The following EME2 variants were observed in gnomAD, a reference collection of about 807,000 sequenced individuals.
EME2 encodes the protein structure-specific endonuclease subunit EME2.
EME2 carries 58 observed loss-of-function variants against 41.9 expected under a neutral mutation model. The ratio of observed to expected loss-of-function variants is 1.38; its 90% CI spans 1.12 to 1.72. The LOEUF (loss-of-function observed/expected upper bound fraction) is 1.72, where lower values mean the gene tolerates loss of function less well. EME2 is among the 40% of genes most tolerant of loss of function. The probability of loss-of-function intolerance (pLI) is 0.00; values close to 1 mark genes in which losing one functional copy is unlikely to be tolerated. For missense variants in EME2, 695 were observed against 541.9 expected (o/e 1.28, Z -2.81); for synonymous variants, 334 against 239.3 (o/e 1.40, Z -3.65).
chr16:1,773,272 C>T lies in EME2; in HGVS notation c.45C>T (p.Gly15=). 1.4e-6 allele frequency: 2 copies of T among 1,465,462 alleles called. No homozygotes were observed. Among genetic ancestry groups the T allele is most frequent in the South Asian group, 1.4e-5 (1 of 73,516 alleles). The allele number at this position is 1,465,462 out of a possible 1,614,324, so 90.8% of individuals were successfully genotyped here. A position where few individuals can be genotyped will look rare whatever the true frequency, so the allele number is the denominator to read the frequency against. The change falls in exon 1 of 8, where the codon GGC becomes GGT. Residue 15 remains glycine, a synonymous_variant. Transcript: ENST00000568449. The stretch of plus-strand genomic sequence containing the variant: ...GGAGGGCGGGGGTCTCTTGCCAGGG[C>T]CGGGGCCGGGGACGGGGCGGGAGCG... ...GPGRAGVSCQ[G]RGRGRGGSGQ...
rs755542062 is a variant in EME2 at position 1,773,818 on chromosome 16, A to G, written c.361A>G (p.Ser121Gly). 1.2e-5 allele frequency: 19 copies of G among 1,554,952 alleles called. No homozygotes were observed. The highest frequency in any genetic ancestry group is 1.6e-5 in the Non-Finnish European group (19 of 1,152,646). Residue 121 changes from serine (S) to glycine (G), a missense_variant, in exon 2 of 8, where the codon AGT (serine) becomes GGT (glycine). Transcript: ENST00000568449. ...CCGCAGCCTGCGGTGGACCCGAGCG[A>G]GTCCCGACCCCTGCCCCCGCAGCGT... ...PARSLRWTRA[S>G]PDPCPRSLPP...
Position 1,778,646 on chromosome 16 carries a change from G to A in EME2, c.*2408G>A, listed in dbSNP as rs377525964. 36 of 1,522,200 alleles carry A rather than the reference G, an allele frequency of 2.4e-5. No homozygotes were observed. In the African/African-American group the frequency reaches 4.8e-4, roughly 20 times the overall value. 94.3% of individuals were successfully genotyped at this position (1,522,200 alleles called of 1,614,324 possible). ...GAAGGGCCGGCTGTTACTACCTGTT[G>A]CCCGCTCTCTACCCTCTCACCCTTG... On this transcript the variant is annotated 3_prime_UTR_variant, in exon 8 of 8. Transcript: ENST00000568449.
At position 1,781,660 on chromosome 16, in the gene EME2, C is replaced by A; in HGVS notation, c.*5422C>A. 1 of 664,598 alleles carries A rather than the reference C, an allele frequency of 1.5e-6. No homozygotes were observed. Among genetic ancestry groups the A allele is most frequent in the Non-Finnish European group, 2.5e-6 (1 of 392,412 alleles). The allele number at this position is 664,598 out of a possible 1,614,324, so 41.2% of individuals were successfully genotyped here. A position where few individuals can be genotyped will look rare whatever the true frequency, so the allele number is the denominator to read the frequency against. ...AGGAGCCCGTACCTCACTCCAGGAT[C>A]TGAGCAGCTCAATAAAACCCAGGTA... is the stretch of plus-strand genomic sequence containing the variant. On this transcript the variant is annotated 3_prime_UTR_variant, in exon 8 of 8. Coordinates refer to ENST00000568449, the MANE Select transcript of EME2 (RefSeq NM_001257370.2).
chr16:1,772,885 G>C lies in EME2; in HGVS notation c.-343G>C, dbSNP rs528871514. On this transcript the variant is annotated 5_prime_UTR_variant, in exon 1 of 8. Transcript: ENST00000568449. ...CACAGCCAGGACTTGCGCGTGACCA[G>C]GCGGCCCAGGCCGAAGAGCGGGAGG... 2.1e-6 allele frequency: 3 copies of C among 1,452,834 alleles called. No homozygotes were observed. Among genetic ancestry groups the C allele is most frequent in the South Asian group, 2.8e-5 (2 of 71,632 alleles). 90.0% of individuals were successfully genotyped at this position (1,452,834 alleles called of 1,614,324 possible). A position where few individuals can be genotyped will look rare whatever the true frequency, so the allele number is the denominator to read the frequency against.
chr16:1,781,598 G>C lies in EME2; in HGVS notation c.*5360G>C. On this transcript the variant is annotated 3_prime_UTR_variant, in exon 8 of 8. Transcript: ENST00000568449. The stretch of plus-strand genomic sequence containing the variant: ...CCCACTCAAAGTGGGGACTGCAGGG[G>C]CCGCACCGGTGCCCAGCCAGGGCTC... 1 of 1,286,864 alleles carries C rather than the reference G, an allele frequency of 7.8e-7. No individual in the cohort carries two copies. Among genetic ancestry groups the C allele is most frequent in the Non-Finnish European group, 1.1e-6 (1 of 940,186 alleles). 79.7% of individuals were successfully genotyped at this position (1,286,864 alleles called of 1,614,324 possible). A position where few individuals can be genotyped will look rare whatever the true frequency, so the allele number is the denominator to read the frequency against.
Position 1,778,193 on chromosome 16 carries a change from C to G in EME2, c.*1955C>G, listed in dbSNP as rs1472636704. The G allele has an allele frequency of 1.2e-6, 2 of 1,613,000 alleles. No individual in the cohort carries two copies. The highest frequency in any genetic ancestry group is 1.1e-5 in the South Asian group (1 of 91,072). On this transcript the variant is annotated 3_prime_UTR_variant, in exon 8 of 8. Coordinates refer to ENST00000568449, the MANE Select transcript of EME2 (RefSeq NM_001257370.2). The stretch of plus-strand genomic sequence containing the variant: ...ATCTCCCAGAAGTGCTGGCCCTCCC[C>G]CAGCTCCTTGGTGCCCCGGATGGCC...
Position 1,776,099 on chromosome 16 carries a change from G to A in EME2, c.1001G>A (p.Arg334His), listed in dbSNP as rs777091490. The change falls in exon 8 of 8, where the codon CGC becomes CAC. Residue 334 changes from arginine (R) to histidine (H), a missense_variant. Arg to His is a conservative substitution (Grantham distance 29). Transcript: ENST00000568449. ...ALEACSTERE[R>H]MGLLADLPVP... ...GAGGCCTGCAGCACGGAGCGGGAGC[G>A]CATGGGCCTCCTGGCCGACCTTCCT... 2.9e-5 allele frequency: 46 copies of A among 1,610,840 alleles called. No individual in the cohort carries two copies. Among genetic ancestry groups the A allele is most frequent in the Middle Eastern group, 1.6e-4 (1 of 6,072 alleles).
chr16:1,774,140 G>T (rs1228871121), intron 2 of EME2, 120 bp from the exon 3 acceptor site: 3 of 893,922 alleles, frequency 3.4e-6, no homozygotes, highest in East Asian at 2.5e-5. Context: ...TGTAGAGCAG[G>T]CCTGTCAGGG....
chr16:1,773,914 T>TGCCCCTGAGGCAGCTGCCCTGGGCC (rs2042670469), intron 2 of EME2, 73 bp downstream of exon 2: 3 of 1,466,374 alleles, frequency 2.0e-6, no homozygotes, highest in Middle Eastern at 2.1e-4. Flanking sequence ...GCCCTGGAGC[T>TGCCCCTGAGGCAGCTGCCCTGGGCC]GTCCCTGAGG....
chr16:1,777,927 C>G lies in EME2; in HGVS notation c.*1689C>G, dbSNP rs374954556. ...GGGAGCTCCAGGCTCGGCCCCGCCC[C>G]ACCCTGGGCCTCACGCACCCGTGTA... On this transcript the variant is annotated 3_prime_UTR_variant, in exon 8 of 8. Transcript: ENST00000568449. The G allele has an allele frequency of 1.9e-6, 3 of 1,612,354 alleles. No individual in the cohort carries two copies. Among genetic ancestry groups the G allele is most frequent in the East Asian group, 2.2e-5 (1 of 44,870 alleles).
chr16:1,778,946 TA>T lies in EME2; in HGVS notation c.*2709del, dbSNP rs1247883572. The T allele has an allele frequency of 4.4e-6, 1 of 229,356 alleles. No individual in the cohort carries two copies. The highest frequency in any genetic ancestry group is 8.5e-6 in the Non-Finnish European group (1 of 118,162). 14.2% of individuals were successfully genotyped at this position (229,356 alleles called of 1,614,324 possible). A position where few individuals can be genotyped will look rare whatever the true frequency, so the allele number is the denominator to read the frequency against. ...GAGATGGTGTGGACACCTTCCCTGC[TA>T]GGCCAGCCCTGCAGGGGCCCCCAGG... On this transcript the variant is annotated 3_prime_UTR_variant, in exon 8 of 8. Coordinates refer to ENST00000568449, the MANE Select transcript of EME2 (RefSeq NM_001257370.2).
intron 2 of EME2, among the ~76,000 whole-genome samples, 179 bp downstream of exon 2, chr16:1,774,020 G>A (rs1393372643): frequency 1.3e-5 from 2 of 152,250 alleles, no homozygotes. Context: ...GTATAGAGCC[G>A]AGCTGGCTGG....
Position 1,781,629 on chromosome 16 carries a change from C to T in EME2, c.*5391C>T. The T allele has an allele frequency of 5.4e-6, 5 of 929,862 alleles. No homozygotes were observed. The highest frequency in any genetic ancestry group is 2.6e-5 in the East Asian group (1 of 37,870). 57.6% of individuals were successfully genotyped at this position (929,862 alleles called of 1,614,324 possible). On this transcript the variant is annotated 3_prime_UTR_variant, in exon 8 of 8. Transcript: ENST00000568449. ...CCGGTGCCCAGCCAGGGCTCCAGAA[C>T]GCTTCAGGAGCCCGTACCTCACTCC...
rs2042760435 is a variant in EME2, at chr16:1,779,351, GGA to G, written c.*3117_*3118del. 1 of 152,668 alleles carries G rather than the reference GGA, an allele frequency of 6.6e-6. No homozygotes were observed. The highest frequency in any genetic ancestry group is 1.5e-5 in the Non-Finnish European group (1 of 68,384). 9.5% of individuals were successfully genotyped at this position (152,668 alleles called of 1,614,324 possible). ...GCTGAATGGACCAGGGGGTCAGCAG[GGA>G]GAGTGCTAAGTGGTGGCGGGGGGCC... On this transcript the variant is annotated 3_prime_UTR_variant, in exon 8 of 8. Coordinates refer to ENST00000568449, the MANE Select transcript of EME2 (RefSeq NM_001257370.2).
At position 1,776,313 on chromosome 16, in the gene EME2, C is replaced by T. The variant is rs2042712527; in HGVS notation, c.*75C>T. ...CACCCTGGGCGGTGGGGGAGGACCC[C>T]CAGCCACATGTGGACCCTCAGCCTG... On this transcript the variant is annotated 3_prime_UTR_variant, in exon 8 of 8. Coordinates refer to ENST00000568449, the MANE Select transcript of EME2 (RefSeq NM_001257370.2). 1 of 1,491,942 alleles carries T rather than the reference C, an allele frequency of 6.7e-7. No homozygotes were observed. Among genetic ancestry groups the T allele is most frequent in the Admixed American group, 1.8e-5 (1 of 56,022 alleles). The allele number at this position is 1,491,942 out of a possible 1,614,324, so 92.4% of individuals were successfully genotyped here.
rs1392328585 is a variant in EME2 at position 1,777,000 on chromosome 16, C to T, written c.*762C>T. ...CCCTCCGGACGGGCCTCATCCAACT[C>T]CGCCCTGGAGTGTGGCTGGAAGGAA... is the stretch of plus-strand genomic sequence containing the variant. On this transcript the variant is annotated 3_prime_UTR_variant, in exon 8 of 8. Coordinates refer to ENST00000568449, the MANE Select transcript of EME2 (RefSeq NM_001257370.2). The T allele has an allele frequency of 8.4e-6, 12 of 1,421,096 alleles. No individual in the cohort carries two copies. The East Asian group carries it at 2.3e-4, about 27-fold the overall frequency. The allele number at this position is 1,421,096 out of a possible 1,614,324, so 88.0% of individuals were successfully genotyped here. A position where few individuals can be genotyped will look rare whatever the true frequency, so the allele number is the denominator to read the frequency against.
chr16:1,773,090 C>T lies in EME2; in HGVS notation c.-138C>T. The T allele has an allele frequency of 7.1e-7, 1 of 1,405,472 alleles. No individual in the cohort carries two copies. The highest frequency in any genetic ancestry group is 9.2e-7 in the Non-Finnish European group (1 of 1,084,478). The allele number at this position is 1,405,472 out of a possible 1,614,324, so 87.1% of individuals were successfully genotyped here. A position where few individuals can be genotyped will look rare whatever the true frequency, so the allele number is the denominator to read the frequency against. ...GCACGCGGCGGGCCAGCTCCGCGAT[C>T]AGCCGCGGACGCACCTTCTTCCGCG... is the stretch of plus-strand genomic sequence containing the variant. On this transcript the variant is annotated 5_prime_UTR_variant, in exon 1 of 8. Coordinates refer to ENST00000568449, the MANE Select transcript of EME2 (RefSeq NM_001257370.2).
At position 1,772,930 on chromosome 16, in the gene EME2, GGCGGCTCTC is replaced by G. The variant is rs2042645368; in HGVS notation, c.-292_-284del. 3.5e-6 allele frequency: 5 copies of G among 1,448,024 alleles called. No individual in the cohort carries two copies. The highest frequency in any genetic ancestry group is 1.5e-5 in the African/African-American group (1 of 67,106). The allele number at this position is 1,448,024 out of a possible 1,614,324, so 89.7% of individuals were successfully genotyped here. A position where few individuals can be genotyped will look rare whatever the true frequency, so the allele number is the denominator to read the frequency against. On this transcript the variant is annotated 5_prime_UTR_variant, in exon 1 of 8. Transcript: ENST00000568449. Reference sequence around the variant, plus strand: ...GGGAGGCGGCCGAGCAGCTGCAAGAGGCGGCTCTCGCGGCGCACGTCGGCCCAGGCCCGG... The same window carrying G: ...GGGAGGCGGCCGAGCAGCTGCAAGAGGCGGCGCACGTCGGCCCAGGCCCGG...
At chr16:1,773,904 GC>G in intron 2 of EME2, 63 bp downstream of exon 2, 1 of 1,481,338 alleles carries the variant, frequency 6.8e-7, no homozygotes, top group Non-Finnish European at 8.9e-7. Flanking sequence ...CATGATTTCA[GC>G]CCTGGAGCTG....
Sources: gnomAD v4.1 joint callset for allele counts (sites outside exome capture counted in the v4.1 genomes callset) on GRCh38, gnomAD v4.1.1 for gene constraint, MANE v1.5 for transcripts, NCBI Gene and HGNC (gene_info 2026-07-23, HGNC 2026-07-21) for gene names.